Variants in FGD6 observed in about 807,000 individuals in gnomAD.
FGD6 encodes the protein FYVE, RhoGEF and PH domain containing 6.
In FGD6, 90 loss-of-function variants were observed where a neutral mutation model predicts 149.4. That is an observed-to-expected ratio of 0.60 (90% CI 0.51 to 0.72). The LOEUF (loss-of-function observed/expected upper bound fraction) is 0.72, where lower values mean the gene tolerates loss of function less well. FGD6 is among the 30% of genes least tolerant of loss of function. FGD6 has a pLI of 0.00. For missense variants in FGD6, 1,437 were observed against 1,684.8 expected (o/e 0.85, Z 2.57); for synonymous variants, 527 against 584.0 (o/e 0.90, Z 1.41).
In FGD6 at chr12:95,199,527, T is replaced by C. The variant is rs1352497410; in HGVS notation, c.2441+9316A>G. Among the ~76,000 whole-genome samples, 6 of 151,942 alleles carry C rather than the reference T, an allele frequency of 3.9e-5. No individual in the cohort carries two copies. The East Asian group carries it at 1.2e-3, about 29-fold the overall frequency. Reference sequence around the variant, plus strand: ...TATCTATCCCTGCCTTCCTCCCCAGTAAGAAGGGCAGTAGAGATGGACTGT... The same window carrying C: ...TATCTATCCCTGCCTTCCTCCCCAGCAAGAAGGGCAGTAGAGATGGACTGT... On this transcript the variant is annotated intron_variant, in intron 2 of 20. Transcript: ENST00000343958.
intron 15 of FGD6, among the ~76,000 whole-genome samples, chr12:95,093,912 CA>C (rs1878153136): frequency 1.3e-5 from 2 of 150,960 alleles, no homozygotes; most frequent in Admixed American, 1.3e-4. Context: ...GTAATCTCAG[CA>C]CTTTGGAAGG....
intron 9 of FGD6, 113 bp from the exon 10 acceptor site, chr12:95,108,674 G>T: frequency 8.3e-7 from 1 of 1,204,154 alleles, no homozygotes; most frequent in Non-Finnish European, 1.2e-6. Context: ...ACCAACCTCT[G>T]GAGGAGCTTA....
At chr12:95,156,361 G>A (rs187275816) in intron 3 of FGD6, among the ~76,000 whole-genome samples, 42 of 151,108 alleles carry the variant, frequency 2.8e-4, no homozygotes, top group African/African-American at 8.7e-4. Context: ...TGGCTGCTTC[G>A]GGGCCGGCAG....
chr12:95,085,850 T>C lies in FGD6; in HGVS notation c.4037A>G (p.Asn1346Ser), dbSNP rs1451436675. Residue 1346 changes from asparagine to serine, a missense_variant, in exon 19 of 21, where the codon AAT (asparagine) becomes AGT (serine). By Grantham distance (46) the Asn-to-Ser change is conservative. Around this residue, in one of 2 missense-constraint regions of FGD6, gnomAD observed 382 missense variants for 538.7 expected, o/e 0.71. Transcript: ENST00000343958. ...MSGYLYRSKG[N>S]KKPWKHFWFV... The stretch of plus-strand genomic sequence containing the variant: ...CCAAAAGTGTTTCCAGGGTTTTTTA[T>C]TGCCCTTTGATCTGTACAAGTAGCC... The C allele has an allele frequency of 6.2e-7, 1 of 1,614,014 alleles. No homozygotes were observed. Among genetic ancestry groups the C allele is most frequent in the Admixed American group, 1.7e-5 (1 of 60,016 alleles).
chr12:95,196,077 C>T (rs532163817), intron 2 of FGD6, among the ~76,000 whole-genome samples: 3 of 152,166 alleles, frequency 2.0e-5, no homozygotes, highest in South Asian at 2.1e-4. Context: ...CTTGAGATCA[C>T]GCTGCTGCAC....
At chr12:95,169,689 T>C (rs1880933056) in intron 3 of FGD6, among the ~76,000 whole-genome samples, 1 of 152,034 alleles carries the variant, frequency 6.6e-6, no homozygotes, top group African/African-American at 2.4e-5. Flanking sequence ...CCAAGAAGTA[T>C]GGAAAGAAAT....
At chr12:95,107,677 CA>C (rs1288779755) in intron 11 of FGD6, 46 bp from the exon 12 acceptor site, 2 of 1,586,768 alleles carry the variant, frequency 1.3e-6, no homozygotes, top group East Asian at 4.5e-5. Context: ...CATCACAACA[CA>C]ACGACAATAT....
At chr12:95,152,078 C>A (rs142347589) in intron 5 of FGD6, among the ~76,000 whole-genome samples, 2 of 152,198 alleles carry the variant, frequency 1.3e-5, no homozygotes, top group South Asian at 2.1e-4. Context: ...GTAATCCCAG[C>A]ACTTTAGGAG....
intron 3 of FGD6, among the ~76,000 whole-genome samples, chr12:95,171,977 A>T (rs1881001842): frequency 7.1e-6 from 1 of 141,404 alleles, no homozygotes; most frequent in African/African-American, 2.6e-5. Context: ...AATGCATATA[A>T]TTTCTTTATT....
intron 2 of FGD6, among the ~76,000 whole-genome samples, chr12:95,181,223 C>G (rs1324838103): frequency 6.6e-6 from 1 of 152,200 alleles, no homozygotes; most frequent in African/African-American, 2.4e-5. Context: ...AGAGTAACCA[C>G]ACAACTTGTT....
intron 3 of FGD6, among the ~76,000 whole-genome samples, chr12:95,172,037 G>GGTGGT (rs530942386): frequency 7.7e-5 from 4 of 51,910 alleles, no homozygotes; most frequent in East Asian, 8.1e-4. Context: ...CAATTCTAAG[G>GGTGGT]GGGGGGGGGT....
intron 3 of FGD6, among the ~76,000 whole-genome samples, chr12:95,168,392 G>C (rs776811490): frequency 6.6e-6 from 1 of 152,170 alleles, no homozygotes; most frequent in Non-Finnish European, 1.5e-5. Flanking sequence ...AGCCAGGCGC[G>C]GTGGATCACG....
intron 14 of FGD6, among the ~76,000 whole-genome samples, chr12:95,104,507 G>A (rs1592832929): frequency 6.6e-6 from 1 of 151,742 alleles, no homozygotes; most frequent in Non-Finnish European, 1.5e-5. Context: ...TGGGATCTTC[G>A]CTCACTGCAA....
intron 2 of FGD6, among the ~76,000 whole-genome samples, chr12:95,179,125 C>T (rs759364783): frequency 3.3e-5 from 5 of 152,102 alleles, no homozygotes; most frequent in Non-Finnish European, 7.4e-5. Context: ...AAGCAACCTC[C>T]ACCTTTGCGA....
At chr12:95,099,746 G>A (rs568732258) in intron 14 of FGD6, among the ~76,000 whole-genome samples, 15 of 152,068 alleles carry the variant, frequency 9.9e-5, no homozygotes, top group Admixed American at 5.9e-4. Flanking sequence ...CAAAGAAGCC[G>A]GTGTGATCTT....
intron 6 of FGD6, among the ~76,000 whole-genome samples, chr12:95,139,918 T>G (rs1036751230): frequency 1.3e-5 from 2 of 152,200 alleles, no homozygotes; most frequent in African/African-American, 4.8e-5. Flanking sequence ...ATTACAGGCA[T>G]GAGCCACCGT....
At chr12:95,092,571 CATA>C (rs1262666916) in intron 16 of FGD6, 125 bp downstream of exon 16, 260 of 983,244 alleles carry the variant, frequency 2.6e-4, no homozygotes, top group South Asian at 6.9e-4. Flanking sequence ...CTACCATTAA[CATA>C]ATAATAATAA....
At chr12:95,122,393 C>T (rs1178650206) in intron 8 of FGD6, among the ~76,000 whole-genome samples, 3 of 152,126 alleles carry the variant, frequency 2.0e-5, no homozygotes, top group Admixed American at 6.6e-5. Context: ...CACCTGTCAT[C>T]CCAGCACTTT....
At position 95,079,125 on chromosome 12, in the gene FGD6, A is replaced by G. The variant is rs1007501474; in HGVS notation, c.*2395T>C. On this transcript the variant is annotated 3_prime_UTR_variant, in exon 21 of 21. Transcript: ENST00000343958. Reference sequence around the variant, plus strand: ...ACAATGAATGAGCCAGGTTACATAAATAACAATTGGTCAGCTTTAGTAAGT... The same window carrying G: ...ACAATGAATGAGCCAGGTTACATAAGTAACAATTGGTCAGCTTTAGTAAGT... 5 of 152,204 alleles carry G rather than the reference A, an allele frequency of 3.3e-5. No individual in the cohort carries two copies. Among genetic ancestry groups the G allele is most frequent in the African/African-American group, 1.2e-4 (5 of 41,442 alleles). 9.4% of individuals were successfully genotyped at this position (152,204 alleles called of 1,614,324 possible).
Sources: allele counts gnomAD v4.1 joint callset (sites outside exome capture counted in the v4.1 genomes callset), GRCh38; gene constraint gnomAD v4.1.1; regional missense constraint gnomAD v4.1.1; transcripts MANE v1.5; gene names NCBI Gene and HGNC (gene_info 2026-07-23, HGNC 2026-07-21).